ENOX2: variants seen among roughly 807,000 people sequenced by gnomAD.
ENOX2 encodes the protein APK1 antigen.
In ENOX2, 36 loss-of-function variants were observed where a neutral mutation model predicts 45.0. The observed-to-expected ratio is 0.80, with a 90% CI of 0.61 to 1.06. The LOEUF (loss-of-function observed/expected upper bound fraction) is 1.06, where lower values mean the gene tolerates loss of function less well. ENOX2 is among the 50% of genes least tolerant of loss of function. The pLI is 0.00. For missense variants in ENOX2, 423 were observed against 462.5 expected, an observed-to-expected ratio of 0.91 and a Z score of 0.78; for synonymous variants, 174 against 152.3, an observed-to-expected ratio of 1.14 and a Z score of -1.05.
At chrX:130,902,797 G>A (rs1209220834) in intron 1 of ENOX2, among the ~76,000 whole-genome samples, 20 of 96,621 alleles carry the variant, frequency 2.1e-4, no homozygotes, top group African/African-American at 7.3e-4. Flanking sequence ...AAAAAAAAAA[G>A]GGGCGGGCGA....
At chrX:130,890,400 G>A (rs750944564) in intron 2 of ENOX2, among the ~76,000 whole-genome samples, 23 of 111,373 alleles carry the variant, frequency 2.1e-4, no homozygotes, top group South Asian at 3.8e-4. Flanking sequence ...CTCGGCAGCC[G>A]TCACCAAGCC....
chrX:130,900,637 T>C (rs2079130410), intron 2 of ENOX2, among the ~76,000 whole-genome samples: 1 of 112,268 alleles, frequency 8.9e-6, no homozygotes, highest in Non-Finnish European at 1.9e-5. Context: ...CTGACTCCTC[T>C]ATCTGAAATG....
chrX:130,775,605 G>A (rs1317234161), intron 3 of ENOX2, among the ~76,000 whole-genome samples: 3 of 110,042 alleles, frequency 2.7e-5, no homozygotes, highest in East Asian at 2.8e-4. Context: ...TCTCAAGGGC[G>A]CTGGGACGGT....
intron 5 of ENOX2, among the ~76,000 whole-genome samples, chrX:130,682,236 C>T (rs2037322790): frequency 9.1e-6 from 1 of 109,891 alleles, no homozygotes. Flanking sequence ...CCTTTAGGTC[C>T]ACTGAGAGAC....
intron 3 of ENOX2, among the ~76,000 whole-genome samples, chrX:130,765,150 G>GTCATGACACTTGGT (rs2039587147): frequency 9.0e-6 from 1 of 111,197 alleles, no homozygotes; most frequent in Admixed American, 9.5e-5. Context: ...AATTGGACCA[G>GTCATGACACTTGGT]TCATGACACT....
At chrX:130,629,192 G>A (rs1257399713) in intron 13 of ENOX2, among the ~76,000 whole-genome samples, 2 of 111,941 alleles carry the variant, frequency 1.8e-5, no homozygotes, top group African/African-American at 3.2e-5. Flanking sequence ...ATTCTTAAAC[G>A]ACTAGATAAA....
intron 2 of ENOX2, among the ~76,000 whole-genome samples, chrX:130,844,896 G>A (rs1304955575): frequency 1.8e-5 from 2 of 111,810 alleles, no homozygotes; most frequent in African/African-American, 6.5e-5. Context: ...GGAACCAGAT[G>A]GCATAAAAGA....
At chrX:130,807,881 T>C (rs901573565) in intron 2 of ENOX2, among the ~76,000 whole-genome samples, 1 of 112,122 alleles carries the variant, frequency 8.9e-6, no homozygotes, top group Non-Finnish European at 1.9e-5. Context: ...TCCTCGAACA[T>C]TGATTTCTTT....
At chrX:130,764,374 T>C (rs2039565412) in intron 3 of ENOX2, among the ~76,000 whole-genome samples, 1 of 111,311 alleles carries the variant, frequency 9.0e-6, no homozygotes, top group Non-Finnish European at 1.9e-5. Flanking sequence ...GCTAGTCTTT[T>C]ACATTTTTTC....
intron 2 of ENOX2, among the ~76,000 whole-genome samples, chrX:130,803,907 G>C (rs1282027752): frequency 9.0e-6 from 1 of 111,388 alleles, no homozygotes; most frequent in Non-Finnish European, 1.9e-5. Context: ...TTTTCCAAAA[G>C]CTATACAATG....
chrX:130,837,578 C>T (rs1048770656), intron 2 of ENOX2, among the ~76,000 whole-genome samples: 2 of 111,577 alleles, frequency 1.8e-5, no homozygotes, highest in Non-Finnish European at 3.8e-5. Flanking sequence ...TTCATAAGAA[C>T]ACCCATTCCA....
At chrX:130,678,087 T>TAAA (rs371260035) in intron 6 of ENOX2, among the ~76,000 whole-genome samples, 7 of 97,960 alleles carry the variant, frequency 7.1e-5, no homozygotes, top group African/African-American at 2.2e-4. Flanking sequence ...GACTCCATCT[T>TAAA]AAAAAAAAAA....
chrX:130,645,785 G>T, intron 10 of ENOX2: 1 of 819,215 alleles, frequency 1.2e-6, no homozygotes, highest in Non-Finnish European at 1.8e-6. Flanking sequence ...TTCTCGTCCT[G>T]GTCTTTGGGC....
At chrX:130,840,253 T>C (rs774305914) in intron 2 of ENOX2, among the ~76,000 whole-genome samples, 1 of 111,588 alleles carries the variant, frequency 9.0e-6, no homozygotes, top group Non-Finnish European at 1.9e-5. Context: ...TTAGATGAAG[T>C]ACAGATACAT....
Position 130,625,177 on chromosome X carries a change from A to G in ENOX2, c.*137T>C. The stretch of plus-strand genomic sequence containing the variant: ...GTGCTGTCCTAGGATCCTTATTTTA[A>G]CTCAAAAGATTTTCCAGGAATGAAC... On this transcript the variant is annotated 3_prime_UTR_variant, in exon 15 of 15. Coordinates refer to ENST00000394363, the MANE Select transcript of ENOX2 (RefSeq NM_006375.4). The G allele has an allele frequency of 1.3e-6, 1 of 777,817 alleles. No homozygotes were observed. The highest frequency in any genetic ancestry group is 1.8e-6 in the Non-Finnish European group (1 of 546,010). The allele number at this position is 777,817 out of a possible 1,213,427, so 64.1% of individuals were successfully genotyped here. A position where few individuals can be genotyped will look rare whatever the true frequency, so the allele number is the denominator to read the frequency against.
At chrX:130,895,769 T>C (rs948051071) in intron 2 of ENOX2, among the ~76,000 whole-genome samples, 2 of 112,383 alleles carry the variant, frequency 1.8e-5, no homozygotes, top group African/African-American at 6.5e-5. Context: ...ATTGCCAATG[T>C]ATTTCACCAT....
chrX:130,631,408 C>T (rs2035710553), intron 13 of ENOX2, 60 bp downstream of exon 13: 1 of 628,010 alleles, frequency 1.6e-6, no homozygotes. Context: ...TAGGTAAAGC[C>T]CTCCTCTCCT....
At chrX:130,697,793 T>A in intron 4 of ENOX2, among the ~76,000 whole-genome samples, 1 of 112,354 alleles carries the variant, frequency 8.9e-6, no homozygotes. Context: ...TCTTTTTAAA[T>A]GATTTTTCCT....
At chrX:130,783,191 CTT>C (rs1387257366) in intron 3 of ENOX2, among the ~76,000 whole-genome samples, 1 of 112,137 alleles carries the variant, frequency 8.9e-6, no homozygotes, top group Non-Finnish European at 1.9e-5. Flanking sequence ...TTACTCATCT[CTT>C]GTCTCAAGCC....
Sources: allele counts gnomAD v4.1 joint callset (sites outside exome capture counted in the v4.1 genomes callset), GRCh38; gene constraint gnomAD v4.1.1; transcripts MANE v1.5; gene names NCBI Gene and HGNC (gene_info 2026-07-23, HGNC 2026-07-21).